The following CTNND2 variants were observed in gnomAD, a reference collection of about 807,000 sequenced individuals.
CTNND2 encodes catenin delta-2.
A neutral mutation model predicts 144.4 loss-of-function variants in CTNND2; 22 were observed. The observed-to-expected ratio is 0.15, with a 90% CI of 0.11 to 0.22. The LOEUF (loss-of-function observed/expected upper bound fraction) is 0.22, where lower values mean the gene tolerates loss of function less well. CTNND2 is among the 10% of genes least tolerant of loss of function. The pLI, the probability that CTNND2 is intolerant of heterozygous loss-of-function variation, is 1.00. For synonymous variants in CTNND2, 751 were observed against 695.6 expected (o/e 1.08, Z -1.25); for missense variants, 1,353 against 1,618.8 (o/e 0.84, Z 2.82).
chr5:11,429,670 C>A (rs31899), intron 3 of CTNND2, among the ~76,000 whole-genome samples: 36,533 of 152,090 alleles, frequency 0.24, 9,366 homozygotes, highest in African/African-American at 0.65. Flanking sequence ...GCCATCGATA[C>A]ATTGCTCTAA....
intron 1 of CTNND2, among the ~76,000 whole-genome samples, chr5:11,830,203 G>A (rs1181419543): frequency 6.6e-6 from 1 of 152,130 alleles, no homozygotes; most frequent in African/African-American, 2.4e-5. Flanking sequence ...TTTGAACTGT[G>A]GACTTTCGAC....
intron 3 of CTNND2, among the ~76,000 whole-genome samples, chr5:11,502,044 A>AG (rs1431851379): frequency 2.2e-5 from 3 of 133,348 alleles, no homozygotes; most frequent in African/African-American, 8.8e-5. Flanking sequence ...AAAAAAAAAA[A>AG]AAAAAAAAAG....
At chr5:11,430,808 G>C (rs866381907) in intron 3 of CTNND2, among the ~76,000 whole-genome samples, 2 of 152,174 alleles carry the variant, frequency 1.3e-5, no homozygotes, top group African/African-American at 2.4e-5. Flanking sequence ...TTTAACCCTA[G>C]GGTTAGTATA....
chr5:11,652,727 G>T (rs1407053809), intron 2 of CTNND2, among the ~76,000 whole-genome samples: 1 of 152,118 alleles, frequency 6.6e-6, no homozygotes, highest in Non-Finnish European at 1.5e-5. Flanking sequence ...ATGAAGTTGT[G>T]TGTGTGATGG....
intron 9 of CTNND2, among the ~76,000 whole-genome samples, chr5:11,265,863 C>T (rs953294097): frequency 9.9e-5 from 15 of 152,066 alleles, no homozygotes; most frequent in Admixed American, 5.2e-4. Flanking sequence ...AGGATCGCAC[C>T]ACCATGCTCA....
chr5:11,457,061 G>A (rs1370757659), intron 3 of CTNND2, among the ~76,000 whole-genome samples: 2 of 152,110 alleles, frequency 1.3e-5, no homozygotes, highest in African/African-American at 2.4e-5. Flanking sequence ...AGCACTTTCC[G>A]TATATTGTCT....
Position 10,992,599 on chromosome 5 carries a change from GGGA to G in CTNND2, c.3160_3162del (p.Ser1054del), listed in dbSNP as rs1448954003. ...CGCACAGGGGAGATGGAGGGCGTGC[GGGA>G]GGAGGAGTAGGGCCTTTGCCGGTCC... On this transcript the variant is annotated inframe_deletion, in exon 19 of 22. Coordinates refer to ENST00000304623, the MANE Select transcript of CTNND2 (RefSeq NM_001332.4). 3 of 1,614,136 alleles carry G rather than the reference GGGA, an allele frequency of 1.9e-6. No individual in the cohort carries two copies. Among genetic ancestry groups the G allele is most frequent in the South Asian group, 1.1e-5 (1 of 91,072 alleles).
At chr5:11,310,007 G>C (rs1750636952) in intron 9 of CTNND2, among the ~76,000 whole-genome samples, 1 of 152,048 alleles carries the variant, frequency 6.6e-6, no homozygotes, top group African/African-American at 2.4e-5. Flanking sequence ...TATACAGCCT[G>C]CAGAACTGTG....
intron 16 of CTNND2, among the ~76,000 whole-genome samples, chr5:11,023,254 T>A (rs1309191642): frequency 6.6e-6 from 1 of 152,138 alleles, no homozygotes. Context: ...CTCAGTTTTT[T>A]CAATCTCTAA....
chr5:11,082,034 T>C (rs924856430), intron 16 of CTNND2, among the ~76,000 whole-genome samples: 2 of 152,240 alleles, frequency 1.3e-5, no homozygotes, highest in African/African-American at 2.4e-5. Flanking sequence ...TACCCTTTAC[T>C]CAGCTCCATT....
chr5:11,537,580 T>C (rs1774334565), intron 3 of CTNND2, among the ~76,000 whole-genome samples: 1 of 152,162 alleles, frequency 6.6e-6, no homozygotes, highest in Non-Finnish European at 1.5e-5. Flanking sequence ...TACCTTAAAA[T>C]TTTTATTTCC....
rs374335571 is a variant in CTNND2, at chr5:11,888,887, G to T, written c.37+14930C>A. On this transcript the variant is annotated intron_variant, in intron 1 of 21. Coordinates refer to ENST00000304623, the MANE Select transcript of CTNND2 (RefSeq NM_001332.4). ...CTGCCTCAATCTCCTGAGTAACTGGGATTACAGGCACGTACCACCATGCCC... is the reference window on the plus strand; with the variant it reads ...CTGCCTCAATCTCCTGAGTAACTGGTATTACAGGCACGTACCACCATGCCC... Among the ~76,000 whole-genome samples the T allele has an allele frequency of 2.6e-5, 4 of 152,050 alleles. No individual in the cohort carries two copies. In the East Asian group the frequency reaches 5.8e-4, roughly 22 times the overall value.
At chr5:11,864,659 G>A (rs780756955) in intron 1 of CTNND2, among the ~76,000 whole-genome samples, 4 of 152,088 alleles carry the variant, frequency 2.6e-5, no homozygotes, top group Non-Finnish European at 2.9e-5. Flanking sequence ...GTGTTGTAGG[G>A]GGGCTCTCCT....
intron 6 of CTNND2, among the ~76,000 whole-genome samples, chr5:11,392,470 T>C (rs1759720862): frequency 2.0e-5 from 3 of 152,246 alleles, no homozygotes; most frequent in Admixed American, 2.0e-4. Flanking sequence ...CACAGAACTT[T>C]ATTTCAGCAA....
Position 11,053,733 on chromosome 5 carries a change from A to C in CTNND2, c.2788+28963T>G, listed in dbSNP as rs555536597. Among the ~76,000 whole-genome samples the C allele has an allele frequency of 1.1e-4, 17 of 151,636 alleles. No homozygotes were observed. The South Asian group carries it at 3.3e-3, about 30-fold the overall frequency. ...GGCAGTTTTTTCCTCTTAAAGGAAT[A>C]ATAAAACTGGCTCTCTCTTTTTATC... On this transcript the variant is annotated intron_variant, in intron 16 of 21. Coordinates refer to ENST00000304623, the MANE Select transcript of CTNND2 (RefSeq NM_001332.4).
intron 2 of CTNND2, among the ~76,000 whole-genome samples, chr5:11,729,435 A>G (rs1787206538): frequency 6.6e-6 from 1 of 152,174 alleles, no homozygotes; most frequent in Admixed American, 6.5e-5. Flanking sequence ...AAACATATCT[A>G]ATGTTCTGAG....
intron 2 of CTNND2, among the ~76,000 whole-genome samples, chr5:11,639,235 A>C (rs1327706189): frequency 6.6e-6 from 1 of 152,168 alleles, no homozygotes; most frequent in Non-Finnish European, 1.5e-5. Flanking sequence ...AGGAATTCGC[A>C]AGTCCACAAT....
At chr5:11,329,303 C>T (rs570925245) in intron 9 of CTNND2, among the ~76,000 whole-genome samples, 26 of 152,234 alleles carry the variant, frequency 1.7e-4, no homozygotes, top group African/African-American at 4.3e-4. Context: ...TACAGGCATG[C>T]GCCACCACAC....
chr5:11,384,711 C>G lies in CTNND2; in HGVS notation c.1131G>C (p.Gln377His). ...HASEQYSKHS[Q>H]ELYATATLQR... ...GGAGGGTGGCCGTGGCATACAGCTC[C>G]TGCGAGTGCTTGCTGTACTGCTCGG... The change falls in exon 7 of 22, where the codon CAG becomes CAC. Residue 377 changes from glutamine to histidine, a missense_variant. Gln to His is a conservative substitution (Grantham distance 24, BLOSUM62 0). This residue lies in a region of CTNND2 where 708 missense variants were observed against 706.4 expected (regional missense o/e 1.00). Coordinates refer to ENST00000304623, the MANE Select transcript of CTNND2 (RefSeq NM_001332.4). The surrounding 1 kb of genome is among the most constrained non-coding windows in gnomAD (Gnocchi z 5.2). 6.2e-7 allele frequency: 1 copy of G among 1,610,828 alleles called. No homozygotes were observed. The highest frequency in any genetic ancestry group is 1.1e-5 in the South Asian group (1 of 90,718).
Sources: allele counts gnomAD v4.1 joint callset (sites outside exome capture counted in the v4.1 genomes callset), GRCh38; gene constraint gnomAD v4.1.1; regional missense constraint gnomAD v4.1.1; non-coding constraint Gnocchi (gnomAD v3.1); transcripts MANE v1.5; gene names NCBI Gene and HGNC (gene_info 2026-07-23, HGNC 2026-07-21).